CEP112: variants seen among roughly 807,000 people sequenced by gnomAD.
The protein encoded by CEP112 is centrosomal protein 112.
Under a neutral mutation model 153.0 loss-of-function variants are expected in CEP112, and 127 were observed. That is an observed-to-expected ratio of 0.83 (90% CI 0.72 to 0.96). The LOEUF is 0.96. Among genes scored for constraint, CEP112 ranks in the 40% least tolerant of loss-of-function variants. CEP112 has a pLI of 0.00. For synonymous variants in CEP112, 358 were observed against 374.4 expected (o/e 0.96, Z 0.51); for missense variants, 1,089 against 1,101.2 (o/e 0.99, Z 0.16).
chr17:66,070,120 G>A, intron 8 of CEP112, 119 bp from the exon 9 acceptor site: 1 of 612,918 alleles, frequency 1.6e-6, no homozygotes, highest in East Asian at 2.8e-5. Context: ...CCTTTACCTT[G>A]TAGTCACAGA....
intron 21 of CEP112, among the ~76,000 whole-genome samples, chr17:65,789,776 T>G (rs941297694): frequency 1.3e-5 from 2 of 152,178 alleles, no homozygotes; most frequent in Non-Finnish European, 2.9e-5. Flanking sequence ...CACAATTATT[T>G]TATTGCTTAT....
chr17:65,857,558 G>A (rs903079171), intron 20 of CEP112, among the ~76,000 whole-genome samples: 8 of 152,134 alleles, frequency 5.3e-5, no homozygotes, highest in Admixed American at 5.2e-4. Context: ...TTATTTCAAT[G>A]CATTAATGGA....
chr17:65,682,146 A>AC lies in CEP112; in HGVS notation c.2697+6982dup, dbSNP rs148238290. Among the ~76,000 whole-genome samples the AC allele has an allele frequency of 9.0e-3, 1,367 of 151,870 alleles. 23 individuals are homozygous for AC. Among genetic ancestry groups the AC allele is most frequent in the African/African-American group, 0.031 (1,279 of 41,374 alleles). ...GTAGCTGGGATTATAGGCACCTGCC[A>AC]CCGCGCCCAGCTAATTTTTGTATTT... On this transcript the variant is annotated intron_variant, in intron 24 of 26. Transcript: ENST00000535342.
chr17:65,796,537 T>TA (rs1399443250), intron 21 of CEP112, among the ~76,000 whole-genome samples: 3 of 152,128 alleles, frequency 2.0e-5, no homozygotes, highest in Non-Finnish European at 1.5e-5. Flanking sequence ...CTCTATTTTT[T>TA]AAAAAACCTC....
At chr17:66,047,176 G>A (rs970822013) in intron 12 of CEP112, among the ~76,000 whole-genome samples, 2 of 152,012 alleles carry the variant, frequency 1.3e-5, no homozygotes, top group Non-Finnish European at 2.9e-5. Context: ...GAGTGCAGTG[G>A]CATGATCTCA....
intron 20 of CEP112, among the ~76,000 whole-genome samples, chr17:65,862,275 C>T (rs1047511820): frequency 1.3e-5 from 2 of 152,186 alleles, no homozygotes; most frequent in Admixed American, 6.5e-5. Context: ...CACACAGGTA[C>T]AGGCAGCAAT....
intron 19 of CEP112, among the ~76,000 whole-genome samples, chr17:65,906,880 C>T (rs1013339184): frequency 2.0e-5 from 3 of 152,136 alleles, no homozygotes; most frequent in African/African-American, 7.2e-5. Flanking sequence ...TATTTCTACT[C>T]AGCGTTATAC....
chr17:65,726,958 T>G (rs2050215672), intron 23 of CEP112, among the ~76,000 whole-genome samples: 1 of 152,228 alleles, frequency 6.6e-6, no homozygotes, highest in South Asian at 2.1e-4. Flanking sequence ...CAAACAATCC[T>G]GCAAAGATAT....
At chr17:65,973,638 C>T (rs186445671) in intron 17 of CEP112, among the ~76,000 whole-genome samples, 197 of 152,148 alleles carry the variant, frequency 1.3e-3, no homozygotes, top group Non-Finnish European at 1.6e-3. Flanking sequence ...ACTGGAAAAA[C>T]GATACATACT....
At chr17:65,782,555 C>T (rs2054056021) in intron 21 of CEP112, among the ~76,000 whole-genome samples, 1 of 152,126 alleles carries the variant, frequency 6.6e-6, no homozygotes. Context: ...CTCACTGCAG[C>T]ACTATTCACA....
At chr17:65,832,698 GAATCAGTAAT>G (rs1415489322) in intron 21 of CEP112, among the ~76,000 whole-genome samples, 1 of 150,516 alleles carries the variant, frequency 6.6e-6, no homozygotes, top group Non-Finnish European at 1.5e-5. Context: ...CTCCAAAACT[GAATCAGTAAT>G]AAATAGCCTA....
chr17:66,021,231 C>T (rs758311256), intron 16 of CEP112, among the ~76,000 whole-genome samples: 9 of 152,034 alleles, frequency 5.9e-5, no homozygotes, highest in Non-Finnish European at 7.4e-5. Flanking sequence ...TCAAGCTCGG[C>T]GGGTCCCTGA....
At chr17:65,898,775 G>A (rs956716257) in intron 20 of CEP112, among the ~76,000 whole-genome samples, 3 of 152,056 alleles carry the variant, frequency 2.0e-5, no homozygotes, top group African/African-American at 7.2e-5. Context: ...TACCCTAGGT[G>A]CCTAAATGTC....
intron 8 of CEP112, among the ~76,000 whole-genome samples, chr17:66,095,960 C>G (rs1195261165): frequency 6.6e-6 from 1 of 152,042 alleles, no homozygotes; most frequent in Admixed American, 6.5e-5. Context: ...CAGCTGTAGT[C>G]CTGGCTACTC....
At chr17:65,866,313 C>T (rs1297414169) in intron 20 of CEP112, among the ~76,000 whole-genome samples, 1 of 152,238 alleles carries the variant, frequency 6.6e-6, no homozygotes, top group East Asian at 1.9e-4. Context: ...CCCCTGCTGC[C>T]TCAGTCCCCT....
At chr17:65,980,921 G>A (rs1568333751) in intron 17 of CEP112, among the ~76,000 whole-genome samples, 1 of 152,102 alleles carries the variant, frequency 6.6e-6, no homozygotes, top group South Asian at 2.1e-4. Context: ...GGGATTACAG[G>A]TGCCGGCCAC....
Position 65,665,437 on chromosome 17 carries a change from T to C in CEP112, c.2697+23692A>G, listed in dbSNP as rs186287536. On this transcript the variant is annotated intron_variant, in intron 24 of 26. Transcript: ENST00000535342. The stretch of plus-strand genomic sequence containing the variant: ...TGGGTTTCTGCCATTCCCTCCTGCC[T>C]ACTGCTCTAGGTCTCTGCTAGAATT... Among the ~76,000 whole-genome samples the C allele has an allele frequency of 5.3e-5, 8 of 152,334 alleles. No individual in the cohort carries two copies. The East Asian group carries it at 1.5e-3, about 29-fold the overall frequency.
At chr17:66,162,785 G>A (rs2071768470) in intron 4 of CEP112, among the ~76,000 whole-genome samples, 1 of 152,104 alleles carries the variant, frequency 6.6e-6, no homozygotes, top group Non-Finnish European at 1.5e-5. Flanking sequence ...GAGTTTCTGG[G>A]GAGGTAGCTA....
intron 4 of CEP112, among the ~76,000 whole-genome samples, chr17:66,163,885 A>G (rs2071820011): frequency 6.6e-6 from 1 of 152,236 alleles, no homozygotes; most frequent in Non-Finnish European, 1.5e-5. Context: ...AACTTGTGAA[A>G]TTAAAAGATG....
Sources: gnomAD v4.1 joint callset for allele counts (sites outside exome capture counted in the v4.1 genomes callset) on GRCh38, gnomAD v4.1.1 for gene constraint, MANE v1.5 for transcripts, NCBI Gene and HGNC (gene_info 2026-07-23, HGNC 2026-07-21) for gene names.